Variants in ULK2 observed in about 807,000 individuals in gnomAD.
The protein encoded by ULK2 is serine/threonine-protein kinase ULK2.
ULK2 carries 76 observed loss-of-function variants against 127.5 expected under a neutral mutation model. The observed-to-expected ratio is 0.60, with a 90% CI of 0.50 to 0.72. The LOEUF (loss-of-function observed/expected upper bound fraction) is 0.72. Among genes scored for constraint, ULK2 ranks in the 30% least tolerant of loss-of-function variants. The probability of loss-of-function intolerance (pLI) is 0.00; values close to 1 mark genes in which losing one functional copy is unlikely to be tolerated. For synonymous variants in ULK2, 452 were observed against 461.9 expected (o/e 0.98, Z 0.28); for missense variants, 1,144 against 1,295.9 (o/e 0.88, Z 1.80).
intron 20 of ULK2, among the ~76,000 whole-genome samples, chr17:19,793,015 A>G (rs1244844669): frequency 2.0e-5 from 3 of 152,190 alleles, no homozygotes; most frequent in Non-Finnish European, 4.4e-5. Context: ...ACTGCTATAA[A>G]TAACTGCCCG....
At chr17:19,821,137 T>C (rs1423311118) in intron 12 of ULK2, among the ~76,000 whole-genome samples, 1 of 152,084 alleles carries the variant, frequency 6.6e-6, no homozygotes, top group Admixed American at 6.6e-5. Flanking sequence ...CGAAACCCCA[T>C]CTCTACTAAA....
intron 6 of ULK2, among the ~76,000 whole-genome samples, chr17:19,846,053 G>A (rs2041873314): frequency 6.6e-6 from 1 of 152,232 alleles, no homozygotes; most frequent in African/African-American, 2.4e-5. Context: ...TTGAACCTGG[G>A]AGGCAGAGGT....
chr17:19,830,364 C>A (rs892539059), intron 10 of ULK2, among the ~76,000 whole-genome samples: 1 of 152,072 alleles, frequency 6.6e-6, no homozygotes, highest in East Asian at 1.9e-4. Flanking sequence ...CTACACCCAG[C>A]TAATTTTTAA....
At chr17:19,832,152 C>T (rs1027508630) in intron 10 of ULK2, among the ~76,000 whole-genome samples, 8 of 151,360 alleles carry the variant, frequency 5.3e-5, no homozygotes, top group African/African-American at 1.9e-4. Flanking sequence ...AAAGAAACAT[C>T]TAATCAATAA....
At chr17:19,794,772 T>C (rs2087229729) in intron 20 of ULK2, among the ~76,000 whole-genome samples, 1 of 149,524 alleles carries the variant, frequency 6.7e-6, no homozygotes, top group African/African-American at 2.5e-5. Context: ...CAAATCTGGG[T>C]GTCCACAATA....
chr17:19,781,826 A>G, intron 23 of ULK2, 63 bp downstream of exon 23: 1 of 1,550,472 alleles, frequency 6.4e-7, no homozygotes, highest in Non-Finnish European at 8.7e-7. Flanking sequence ...AATACCTACA[A>G]CTTAGACACA....
At position 19,814,411 on chromosome 17, in the gene ULK2, CAT is replaced by C. The variant is rs35552728; in HGVS notation, c.1096+2336_1096+2337del. ...ACACAAGAATGTCTGTTATTATATA[CAT>C]ATATATATATATATATATATATATA... On this transcript the variant is annotated intron_variant, in intron 13 of 26. Coordinates refer to ENST00000395544, the MANE Select transcript of ULK2 (RefSeq NM_014683.4). Among the ~76,000 whole-genome samples the C allele has an allele frequency of 8.1e-3, 294 of 36,504 alleles. 11 individuals carry two copies. The highest frequency in any genetic ancestry group is 0.025 in the African/African-American group (211 of 8,372). 23.9% of individuals were successfully genotyped at this position (36,504 alleles called of 152,430 possible).
chr17:19,867,280 C>A lies in ULK2; in HGVS notation c.90+48G>T. ...TGCGCCAAGTTTCAGAACCACCTAG[C>A]CCCGTGCCTGCCGCCCGGGGCCCGG... is the stretch of plus-strand genomic sequence containing the variant. On this transcript the variant is annotated intron_variant, in intron 1 of 26. Transcript: ENST00000395544. 2.1e-6 allele frequency: 3 copies of A among 1,459,484 alleles called. No individual in the cohort carries two copies. The East Asian group carries it at 7.9e-5, about 38-fold the overall frequency. The allele number at this position is 1,459,484 out of a possible 1,614,324, so 90.4% of individuals were successfully genotyped here.
chr17:19,822,922 A>G (rs2041193530), intron 12 of ULK2, among the ~76,000 whole-genome samples: 1 of 150,538 alleles, frequency 6.6e-6, no homozygotes, highest in Admixed American at 6.6e-5. Flanking sequence ...TCCCGGTCTC[A>G]TGATCTGGCC....
intron 14 of ULK2, among the ~76,000 whole-genome samples, chr17:19,810,101 G>A (rs187921863): frequency 6.6e-5 from 10 of 151,036 alleles, no homozygotes; most frequent in Admixed American, 3.3e-4. Flanking sequence ...CATGGTGGCC[G>A]GCACCTATAG....
At chr17:19,816,978 G>C (rs1159236378) in intron 12 of ULK2, 58 bp from the exon 13 acceptor site, 4 of 1,495,052 alleles carry the variant, frequency 2.7e-6, no homozygotes, top group Non-Finnish European at 3.6e-6. Flanking sequence ...AGTCAGAATA[G>C]TGACTAGACT....
rs2086747148 is a variant in ULK2, at chr17:19,772,347, T to C, written c.*4002A>G. 2.0e-5 allele frequency: 3 copies of C among 152,252 alleles called. No individual in the cohort carries two copies. In the South Asian group the frequency reaches 6.2e-4, roughly 32 times the overall value. 9.4% of individuals were successfully genotyped at this position (152,252 alleles called of 1,614,324 possible). ...TGATGCAGGTGAGGGAAGTATCATC[T>C]TGACTCCTCCACCAATAAAATTATT... On this transcript the variant is annotated 3_prime_UTR_variant, in exon 27 of 27. Coordinates refer to ENST00000395544, the MANE Select transcript of ULK2 (RefSeq NM_014683.4).
At chr17:19,776,967 G>A (rs2086823225) in intron 26 of ULK2, among the ~76,000 whole-genome samples, 1 of 152,142 alleles carries the variant, frequency 6.6e-6, no homozygotes, top group Non-Finnish European at 1.5e-5. Flanking sequence ...TGCTTTTCAT[G>A]CATCACCTGT....
chr17:19,788,107 C>G (rs1429674536), intron 20 of ULK2, among the ~76,000 whole-genome samples: 1 of 152,122 alleles, frequency 6.6e-6, no homozygotes, highest in Non-Finnish European at 1.5e-5. Context: ...AGCTAAAGCG[C>G]TCCGGGTCCA....
intron 3 of ULK2, among the ~76,000 whole-genome samples, chr17:19,851,844 G>A (rs997352077): frequency 2.6e-5 from 4 of 151,432 alleles, no homozygotes; most frequent in Non-Finnish European, 4.4e-5. Context: ...TCAGGAGTTC[G>A]AGACTAGCCT....
In ULK2 at chr17:19,867,526, G is replaced by A; in HGVS notation, c.-109C>T. The A allele has an allele frequency of 4.5e-6, 3 of 671,402 alleles. No homozygotes were observed. Among genetic ancestry groups the A allele is most frequent in the Non-Finnish European group, 6.3e-6 (3 of 478,078 alleles). 41.6% of individuals were successfully genotyped at this position (671,402 alleles called of 1,614,324 possible). A position where few individuals can be genotyped will look rare whatever the true frequency, so the allele number is the denominator to read the frequency against. On this transcript the variant is annotated 5_prime_UTR_variant, in exon 1 of 27. Transcript: ENST00000395544. ...GCGCGCCAGCGTGCGGCGGGTCTGG[G>A]GCAGCCGCAGCCCCGGGCCCGGGCG...
chr17:19,800,988 T>C (rs60693525), intron 16 of ULK2, among the ~76,000 whole-genome samples: 1 of 152,168 alleles, frequency 6.6e-6, no homozygotes, highest in Non-Finnish European at 1.5e-5. Flanking sequence ...TTTGTTTGTA[T>C]TGGCATTCTC....
intron 10 of ULK2, among the ~76,000 whole-genome samples, chr17:19,834,437 AAT>A (rs1300778951): frequency 2.0e-5 from 3 of 152,048 alleles, no homozygotes. Flanking sequence ...TACAAAGATT[AAT>A]ATATATGACA....
At chr17:19,855,599 CA>C (rs72047415) in intron 3 of ULK2, 3,551 of 33,564 alleles carry the variant, frequency 0.11, 62 homozygotes, top group African/African-American at 0.27. Flanking sequence ...GACTCCATCT[CA>C]AAAAAAAAAA....
Sources: gnomAD v4.1 joint callset for allele counts (sites outside exome capture counted in the v4.1 genomes callset) on GRCh38, gnomAD v4.1.1 for gene constraint, MANE v1.5 for transcripts, NCBI Gene and HGNC (gene_info 2026-07-23, HGNC 2026-07-21) for gene names.